ABHD18: variants seen among roughly 807,000 people sequenced by gnomAD.
ABHD18 encodes abhydrolase domain containing 18, also known as cardiolipin-specific deacylase, mitochondrial.
ABHD18 carries 55 observed loss-of-function variants against 65.9 expected under a neutral mutation model. That is an observed-to-expected ratio of 0.84 (90% CI 0.67 to 1.05). The LOEUF (loss-of-function observed/expected upper bound fraction) is 1.05. Among genes scored for constraint, ABHD18 ranks in the 50% least tolerant of loss-of-function variants. The pLI is 0.00. For missense variants in ABHD18, 533 were observed against 558.5 expected (o/e 0.95, Z 0.46); for synonymous variants, 181 against 180.2 (o/e 1.00, Z -0.04).
chr4:127,972,025 C>G (rs1746920789), intron 1 of ABHD18, among the ~76,000 whole-genome samples: 1 of 152,054 alleles, frequency 6.6e-6, no homozygotes, highest in Non-Finnish European at 1.5e-5. Flanking sequence ...CCTGAGAGCC[C>G]TGTGGGTCTA....
intron 10 of ABHD18, among the ~76,000 whole-genome samples, chr4:128,026,473 AAG>A (rs1426299021): frequency 1.3e-5 from 2 of 151,976 alleles, no homozygotes; most frequent in Non-Finnish European, 2.9e-5. Flanking sequence ...AAAAAAAAAA[AAG>A]AGCAGTTTGT....
chr4:127,984,297 A>G, intron 2 of ABHD18, 42 bp from the exon 3 acceptor site: 1 of 1,272,822 alleles, frequency 7.9e-7, no homozygotes, highest in Non-Finnish European at 1.1e-6. Flanking sequence ...TAGGTGATAT[A>G]AAAGATTAAT....
At chr4:128,018,745 G>A (rs949482175) in intron 8 of ABHD18, among the ~76,000 whole-genome samples, 4 of 152,234 alleles carry the variant, frequency 2.6e-5, no homozygotes, top group Non-Finnish European at 5.9e-5. Context: ...TGGGCACGGT[G>A]GTTCACACCT....
In ABHD18 at chr4:128,037,744, A is replaced by G. The variant is rs1172849438; in HGVS notation, c.*1931A>G. 1 of 152,164 alleles carries G rather than the reference A, an allele frequency of 6.6e-6. No homozygotes were observed. The highest frequency in any genetic ancestry group is 1.9e-4 in the East Asian group (1 of 5,188). The allele number at this position is 152,164 out of a possible 1,614,324, so 9.4% of individuals were successfully genotyped here. A position where few individuals can be genotyped will look rare whatever the true frequency, so the allele number is the denominator to read the frequency against. On this transcript the variant is annotated 3_prime_UTR_variant, in exon 13 of 13. Transcript: ENST00000645843. Reference sequence around the variant, plus strand: ...CTTAACAGCCTTGGCTTTTAATTTCAAAATTTAATAGACACATATGCAATT... The same window carrying G: ...CTTAACAGCCTTGGCTTTTAATTTCGAAATTTAATAGACACATATGCAATT...
intron 7 of ABHD18, among the ~76,000 whole-genome samples, chr4:128,016,634 G>T (rs1755547925): frequency 6.6e-6 from 1 of 152,070 alleles, no homozygotes; most frequent in African/African-American, 2.4e-5. Flanking sequence ...AATTAGCCAG[G>T]CGTGGTGGCT....
At chr4:127,966,224 C>T (rs1219603441) in intron 1 of ABHD18, among the ~76,000 whole-genome samples, 1 of 152,152 alleles carries the variant, frequency 6.6e-6, no homozygotes, top group East Asian at 1.9e-4. Flanking sequence ...CGTCAGTAGT[C>T]ATTCTGTGTC....
rs1560940451 is a variant in ABHD18 at position 128,030,509 on chromosome 4, G to C, written c.1181-1G>C. Reference sequence around the variant, plus strand: ...TGAATTTTTAAAAATCCTATACCTAGTCCCAGTTGATCCAAGCCTCATTAT... The same window carrying C: ...TGAATTTTTAAAAATCCTATACCTACTCCCAGTTGATCCAAGCCTCATTAT... On this transcript the variant is annotated splice_acceptor_variant, in intron 11 of 12. Transcript: ENST00000645843. LOFTEE classifies it high-confidence loss of function. 1.3e-6 allele frequency: 2 copies of C among 1,541,234 alleles called. No homozygotes were observed. Among genetic ancestry groups the C allele is most frequent in the Non-Finnish European group, 1.7e-6 (2 of 1,153,238 alleles).
chr4:127,978,844 G>A (rs1446784071), intron 1 of ABHD18, among the ~76,000 whole-genome samples: 1 of 152,118 alleles, frequency 6.6e-6, no homozygotes, highest in Non-Finnish European at 1.5e-5. Flanking sequence ...AAACCCCACT[G>A]TAAATAGAAA....
intron 12 of ABHD18, among the ~76,000 whole-genome samples, chr4:128,032,111 A>G (rs1455628890): frequency 6.6e-6 from 1 of 152,232 alleles, no homozygotes; most frequent in Non-Finnish European, 1.5e-5. Context: ...AATCAAAGTC[A>G]AATATAAAAA....
intron 7 of ABHD18, among the ~76,000 whole-genome samples, chr4:128,012,306 T>G (rs1477146783): frequency 6.6e-6 from 1 of 152,168 alleles, no homozygotes; most frequent in African/African-American, 2.4e-5. Flanking sequence ...TACATTTACT[T>G]TGTGTAATTA....
chr4:128,027,977 G>A lies in ABHD18; in HGVS notation c.802-498G>A, dbSNP rs1006801134. ...ATCTTTGTTTTTTAAAAAAGTCATG[G>A]TAAATATATACAACATAAAATTTAC... is the stretch of plus-strand genomic sequence containing the variant. On this transcript the variant is annotated intron_variant, in intron 10 of 12. Transcript: ENST00000645843. Among the ~76,000 whole-genome samples, 7 of 152,086 alleles carry A rather than the reference G, an allele frequency of 4.6e-5. No homozygotes were observed. In the South Asian group the frequency reaches 1.5e-3, roughly 32 times the overall value.
rs201739850 is a variant in ABHD18, at chr4:128,011,496, A to T, written c.443-177A>T. ...TAAAGCTGGTTTTTTTTTTTTTTTT[A>T]AAAAAAAGGAAAATAATTAAGTTGA... On this transcript the variant is annotated intron_variant, in intron 6 of 12. Transcript: ENST00000645843. 0.034 allele frequency among the ~76,000 whole-genome samples: 4,205 copies of T among 124,650 alleles called. 77 individuals carry two copies. Among genetic ancestry groups the T allele is most frequent in the Non-Finnish European group, 0.044 (2,438 of 55,052 alleles). 81.8% of individuals were successfully genotyped at this position (124,650 alleles called of 152,430 possible).
At chr4:127,988,414 A>G (rs1750360499) in intron 3 of ABHD18, among the ~76,000 whole-genome samples, 1 of 152,098 alleles carries the variant, frequency 6.6e-6, no homozygotes, top group South Asian at 2.1e-4. Flanking sequence ...TATTTTTTGT[A>G]GAGACAGAGT....
At chr4:128,030,158 C>T (rs1757999123) in intron 11 of ABHD18, among the ~76,000 whole-genome samples, 2 of 152,238 alleles carry the variant, frequency 1.3e-5, no homozygotes, top group Middle Eastern at 6.8e-3. Flanking sequence ...ACAGTGAGAT[C>T]CCATCTTTAA....
intron 3 of ABHD18, among the ~76,000 whole-genome samples, chr4:127,984,806 G>C (rs1749681375): frequency 6.6e-6 from 1 of 152,232 alleles, no homozygotes; most frequent in African/African-American, 2.4e-5. Context: ...GTTGCAGTGA[G>C]CCAAGATCAC....
At chr4:128,013,390 A>G (rs922429721) in intron 7 of ABHD18, among the ~76,000 whole-genome samples, 34 of 152,150 alleles carry the variant, frequency 2.2e-4, no homozygotes, top group Admixed American at 1.5e-3. Flanking sequence ...TATGAATTGG[A>G]TGGTGTGGGA....
At chr4:128,030,961 G>A in intron 12 of ABHD18, 2 of 1,086,962 alleles carry the variant, frequency 1.8e-6, no homozygotes, top group Non-Finnish European at 2.2e-6. Flanking sequence ...TGAGAAGGAA[G>A]ATCATGGCTT....
At chr4:128,012,285 C>T (rs1754711748) in intron 7 of ABHD18, among the ~76,000 whole-genome samples, 1 of 151,938 alleles carries the variant, frequency 6.6e-6, no homozygotes, top group South Asian at 2.1e-4. Flanking sequence ...CCTACCTTTT[C>T]CTTTTTAAGG....
intron 1 of ABHD18, among the ~76,000 whole-genome samples, chr4:127,978,821 G>T (rs1018367047): frequency 6.6e-6 from 1 of 152,114 alleles, no homozygotes; most frequent in African/African-American, 2.4e-5. Context: ...TTATGATATG[G>T]TTACATCCTG....
Sources: allele counts gnomAD v4.1 joint callset (sites outside exome capture counted in the v4.1 genomes callset), GRCh38; gene constraint gnomAD v4.1.1; transcripts MANE v1.5; gene names NCBI Gene and HGNC (gene_info 2026-07-23, HGNC 2026-07-21).